Variants in ZNF738 observed in about 807,000 individuals in gnomAD.
The protein encoded by ZNF738 is zinc finger protein 738.
In ZNF738, 10 loss-of-function variants were observed where a neutral mutation model predicts 9.2. That is an observed-to-expected ratio of 1.09 (90% CI 0.67 to 1.85). The LOEUF is 1.85. Ranked by LOEUF, ZNF738 falls within the 40% of genes most tolerant of loss-of-function variation. ZNF738 has a pLI of 0.00. For missense variants in ZNF738, 346 were observed against 283.6 expected, an observed-to-expected ratio of 1.22 and a Z score of -1.58; for synonymous variants, 113 against 94.5, an observed-to-expected ratio of 1.20 and a Z score of -1.14.
chr19:21,375,406 G>A, intron 3 of ZNF738, 42 bp downstream of exon 3: 1 of 607,660 alleles, frequency 1.6e-6, no homozygotes, highest in Middle Eastern at 2.7e-4. Context: ...ATACACTAAA[G>A]GTTTCATTTC....
chr19:21,382,066 C>CTT (rs139193236), intron 4 of ZNF738: 10,736 of 114,532 alleles, frequency 0.094, 1,210 homozygotes, highest in African/African-American at 0.21. Context: ...TTCTTTCTTT[C>CTT]TTTTTTTTTT....
At chr19:21,375,407 G>GT (rs1278567320) in intron 3 of ZNF738, 43 bp downstream of exon 3, 1 of 602,246 alleles carries the variant, frequency 1.7e-6, no homozygotes, top group African/African-American at 1.9e-5. Flanking sequence ...TACACTAAAG[G>GT]TTTCATTTCT....
rs78002105 is a variant in ZNF738, at chr19:21,369,186, C to T, written c.97-6052C>T. ...GTGTGATCTTGGCTCACTTCAGCCT[C>T]AACCTCCAAGGCTCAAGGTTTAAGG... On this transcript the variant is annotated intron_variant, in intron 2 of 4. Coordinates refer to ENST00000683779, the MANE Select transcript of ZNF738 (RefSeq NM_001355237.2). Among the ~76,000 whole-genome samples the T allele has an allele frequency of 6.4e-3, 972 of 152,302 alleles. 14 individuals are homozygous for T. Among genetic ancestry groups the T allele is most frequent in the African/African-American group, 0.022 (924 of 41,560 alleles).
chr19:21,376,055 G>T, intron 4 of ZNF738, 91 bp downstream of exon 4: 1 of 565,672 alleles, frequency 1.8e-6, no homozygotes, highest in Admixed American at 2.9e-5. Flanking sequence ...GATTTGGGAA[G>T]CTGTGTTCCA....
intron 2 of ZNF738, among the ~76,000 whole-genome samples, chr19:21,362,960 A>G (rs529681275): frequency 6.6e-6 from 1 of 152,184 alleles, no homozygotes; most frequent in Non-Finnish European, 1.5e-5. Context: ...TGAAAACATC[A>G]GTTCCTTTTT....
At chr19:21,368,891 G>A (rs916598908) in intron 2 of ZNF738, among the ~76,000 whole-genome samples, 2 of 151,962 alleles carry the variant, frequency 1.3e-5, no homozygotes, top group African/African-American at 2.4e-5. Flanking sequence ...TACTTGCCAC[G>A]ACGCCCAGCT....
intron 3 of ZNF738, among the ~76,000 whole-genome samples, chr19:21,375,575 A>G (rs545527020): frequency 1.3e-5 from 2 of 152,274 alleles, no homozygotes; most frequent in Non-Finnish European, 2.9e-5. Flanking sequence ...GCTGGTCTGT[A>G]CCCTTCACTC....
intron 2 of ZNF738, among the ~76,000 whole-genome samples, chr19:21,365,722 C>G (rs987558008): frequency 1.3e-5 from 2 of 152,006 alleles, no homozygotes; most frequent in East Asian, 1.9e-4. Context: ...TCTGAGAAGC[C>G]TAGGCGGGTG....
chr19:21,387,966 A>G lies in ZNF738; in HGVS notation c.*4292A>G, dbSNP rs1416292251. Among the ~76,000 whole-genome samples, 3 of 147,850 alleles carry G rather than the reference A, an allele frequency of 2.0e-5. No individual in the cohort carries two copies. The highest frequency in any genetic ancestry group is 4.4e-5 in the Non-Finnish European group (3 of 67,866). ...ACTACATCAGAAAACACCAGAGTTTATACTGAAGAATATTTTTGAAGATGC... is the reference window on the plus strand; with the variant it reads ...ACTACATCAGAAAACACCAGAGTTTGTACTGAAGAATATTTTTGAAGATGC... On this transcript the variant is annotated 3_prime_UTR_variant, in exon 5 of 5. Transcript: ENST00000683779.
chr19:21,359,631 C>G (rs1973655399), intron 1 of ZNF738, among the ~76,000 whole-genome samples: 1 of 152,192 alleles, frequency 6.6e-6, no homozygotes, highest in African/African-American at 2.4e-5. Flanking sequence ...GTAATCCCAG[C>G]ACTTTGGAAG....
chr19:21,384,121 A>G lies in ZNF738; in HGVS notation c.*447A>G. ...GGCAAAGCTTTCTACCGATTATCTT[A>G]TCTTACTACACATAAGATGATTCAT... On this transcript the variant is annotated 3_prime_UTR_variant, in exon 5 of 5. Coordinates refer to ENST00000683779, the MANE Select transcript of ZNF738 (RefSeq NM_001355237.2). 1 of 1,501,178 alleles carries G rather than the reference A, an allele frequency of 6.7e-7. No individual in the cohort carries two copies. The highest frequency in any genetic ancestry group is 9.2e-7 in the Non-Finnish European group (1 of 1,083,122). 93.0% of individuals were successfully genotyped at this position (1,501,178 alleles called of 1,614,324 possible).
At chr19:21,365,612 G>A (rs1403305886) in intron 2 of ZNF738, among the ~76,000 whole-genome samples, 1 of 151,962 alleles carries the variant, frequency 6.6e-6, no homozygotes, top group African/African-American at 2.4e-5. Flanking sequence ...ATTCATAACT[G>A]TTGAGTTTCA....
intron 4 of ZNF738, among the ~76,000 whole-genome samples, chr19:21,381,003 C>T (rs550535087): frequency 7.9e-4 from 120 of 152,114 alleles, no homozygotes; most frequent in Non-Finnish European, 1.5e-3. Context: ...CTAAATGATC[C>T]AAGGAGAGTG....
intron 1 of ZNF738, 89 bp from the exon 2 acceptor site, chr19:21,361,677 T>G (rs1433539023): frequency 1.4e-5 from 10 of 732,194 alleles, no homozygotes. Flanking sequence ...GGTTTCAGTA[T>G]TATCTGGGGA....
chr19:21,365,966 AAAG>A (rs980612792), intron 2 of ZNF738, among the ~76,000 whole-genome samples: 7 of 151,806 alleles, frequency 4.6e-5, no homozygotes, highest in African/African-American at 1.7e-4. Flanking sequence ...CAAAAAAAAA[AAAG>A]AATAGGAAAC....
At chr19:21,362,762 G>A (rs935879790) in intron 2 of ZNF738, among the ~76,000 whole-genome samples, 1 of 152,160 alleles carries the variant, frequency 6.6e-6, no homozygotes, top group Non-Finnish European at 1.5e-5. Flanking sequence ...CTTTCCCAGA[G>A]TGAGTTTACA....
chr19:21,385,013 A>C lies in ZNF738; in HGVS notation c.*1339A>C, dbSNP rs954278701. ...CGGAAGAGAATTTCTACAAATGTGA[A>C]GAATGTGGCAAAGGCTTTGACTGGT... On this transcript the variant is annotated 3_prime_UTR_variant, in exon 5 of 5. Transcript: ENST00000683779. Among the ~76,000 whole-genome samples the C allele has an allele frequency of 3.9e-5, 6 of 152,278 alleles. No homozygotes were observed. Among genetic ancestry groups the C allele is most frequent in the African/African-American group, 1.4e-4 (6 of 41,476 alleles).
chr19:21,361,909 G>T (rs1396842795), intron 2 of ZNF738, 51 bp downstream of exon 2: 19 of 735,316 alleles, frequency 2.6e-5, no homozygotes, highest in East Asian at 2.0e-4. Flanking sequence ...TGAAAAACAT[G>T]CTCTACTAAA....
At chr19:21,371,284 A>G (rs932756104) in intron 2 of ZNF738, among the ~76,000 whole-genome samples, 6 of 152,232 alleles carry the variant, frequency 3.9e-5, no homozygotes, top group African/African-American at 1.4e-4. Context: ...TCACTGGGCC[A>G]TCAGCCCTGG....
Sources: gnomAD v4.1 joint callset for allele counts (sites outside exome capture counted in the v4.1 genomes callset) on GRCh38, gnomAD v4.1.1 for gene constraint, MANE v1.5 for transcripts, NCBI Gene and HGNC (gene_info 2026-07-23, HGNC 2026-07-21) for gene names.